Variants in SETBP1 observed in about 807,000 individuals in gnomAD.
SETBP1 encodes the protein SET binding protein 1.
In SETBP1, 9 loss-of-function variants were observed where a neutral mutation model predicts 101.0. The ratio of observed to expected loss-of-function variants is 0.09; its 90% CI spans 0.05 to 0.16. SETBP1 has a LOEUF of 0.16. Among genes scored for constraint, SETBP1 ranks in the 10% least tolerant of loss-of-function variants. The pLI is 1.00. For missense variants in SETBP1, 1,858 were observed against 2,033.8 expected (o/e 0.91, Z 1.66); for synonymous variants, 818 against 788.5 (o/e 1.04, Z -0.63).
chr18:44,860,712 A>C (rs2068986603), intron 2 of SETBP1, among the ~76,000 whole-genome samples: 1 of 151,236 alleles, frequency 6.6e-6, no homozygotes, highest in African/African-American at 2.4e-5. Context: ...GTGCCACTGC[A>C]CTCCAGCCTG....
intron 2 of SETBP1, among the ~76,000 whole-genome samples, chr18:44,761,421 C>T (rs1000101858): frequency 2.0e-5 from 3 of 152,226 alleles, no homozygotes; most frequent in African/African-American, 7.2e-5. Flanking sequence ...CTGGTCCCCT[C>T]TCCCACATTT....
chr18:44,890,882 C>A (rs961300145), intron 3 of SETBP1, among the ~76,000 whole-genome samples: 1 of 152,066 alleles, frequency 6.6e-6, no homozygotes, highest in Non-Finnish European at 1.5e-5. Context: ...TTGGAATTTA[C>A]ATGGATCTTC....
At chr18:44,720,846 A>T (rs564465796) in intron 2 of SETBP1, among the ~76,000 whole-genome samples, 1 of 152,204 alleles carries the variant, frequency 6.6e-6, no homozygotes, top group South Asian at 2.1e-4. Flanking sequence ...AGTAGGCCAG[A>T]TCAGACAGAT....
intron 2 of SETBP1, among the ~76,000 whole-genome samples, chr18:44,769,699 A>C (rs76343670): frequency 0.01 from 1,562 of 152,372 alleles, 26 homozygotes; most frequent in African/African-American, 0.035. Context: ...AAATACAAAC[A>C]AAAAAGGAAG....
At chr18:45,051,291 C>T (rs1383517802) in intron 5 of SETBP1, among the ~76,000 whole-genome samples, 1 of 151,370 alleles carries the variant, frequency 6.6e-6, no homozygotes, top group Non-Finnish European at 1.5e-5. Context: ...GAGTGTTTGC[C>T]GTCTTGAGTC....
In SETBP1 at chr18:44,769,731, T is replaced by C. The variant is rs577395044; in HGVS notation, c.486+67899T>C. 2.0e-5 allele frequency among the ~76,000 whole-genome samples: 3 copies of C among 152,374 alleles called. No homozygotes were observed. In the South Asian group the frequency reaches 6.2e-4, roughly 32 times the overall value. On this transcript the variant is annotated intron_variant, in intron 2 of 5. Transcript: ENST00000649279. ...GAAGTCACATGCACAACCACTATTA[T>C]GCTATATAGAAGTTCATGAAGTGCC... is the stretch of plus-strand genomic sequence containing the variant.
At chr18:44,699,850 C>G (rs1392190131) in intron 1 of SETBP1, among the ~76,000 whole-genome samples, 1 of 152,194 alleles carries the variant, frequency 6.6e-6, no homozygotes, top group South Asian at 2.1e-4. Flanking sequence ...ATTCTGGAGA[C>G]AGAAGACAAA....
intron 2 of SETBP1, among the ~76,000 whole-genome samples, chr18:44,709,007 A>G (rs1050759313): frequency 3.9e-5 from 6 of 152,194 alleles, no homozygotes; most frequent in African/African-American, 1.4e-4. Context: ...GTCAGAGTTG[A>G]GCTTAAAATG....
At chr18:44,973,718 T>G (rs1203318084) in intron 4 of SETBP1, among the ~76,000 whole-genome samples, 3 of 152,064 alleles carry the variant, frequency 2.0e-5, no homozygotes, top group African/African-American at 7.2e-5. Context: ...GGCAAACAGC[T>G]CTGAAAGAGG....
chr18:44,968,593 T>G (rs781492495), intron 4 of SETBP1, among the ~76,000 whole-genome samples: 22 of 152,208 alleles, frequency 1.4e-4, no homozygotes, highest in Non-Finnish European at 2.6e-4. Context: ...AATGGCATAG[T>G]GATCACTGTG....
chr18:44,761,234 A>G (rs1244223868), intron 2 of SETBP1, among the ~76,000 whole-genome samples: 1 of 152,204 alleles, frequency 6.6e-6, no homozygotes, highest in Non-Finnish European at 1.5e-5. Context: ...GGTAATTACC[A>G]TATACATTAC....
chr18:44,941,818 A>G (rs1310583368), intron 3 of SETBP1, among the ~76,000 whole-genome samples: 3 of 150,684 alleles, frequency 2.0e-5, no homozygotes, highest in African/African-American at 7.3e-5. Context: ...TCATTTTATT[A>G]TTTTAGTGTA....
chr18:44,685,319 G>A (rs538202736), intron 1 of SETBP1, among the ~76,000 whole-genome samples: 3 of 152,302 alleles, frequency 2.0e-5, no homozygotes, highest in Admixed American at 6.5e-5. Flanking sequence ...CATATGCATG[G>A]CATTTTGTTC....
intron 3 of SETBP1, among the ~76,000 whole-genome samples, chr18:44,919,078 C>T (rs369420644): frequency 1.3e-5 from 2 of 152,208 alleles, no homozygotes; most frequent in African/African-American, 4.8e-5. Context: ...ACCTTGAGCT[C>T]CACGAAAGCA....
rs1296546263 is a variant in SETBP1 at position 45,038,635 on chromosome 18, C to G, written c.4151C>G (p.Ser1384Cys). Residue 1384 changes from serine (S) to cysteine (C), a missense_variant, in exon 5 of 6, where the codon TCT (serine) becomes TGT (cysteine). Transcript: ENST00000649279. ...CCAGTGTTATCTCTCCTTGCTGCAT[C>G]TGCAGCAACGTCGGATGCAGGTGAG... ...PAPVLSLLAASAATSDAVGSS... is the reference protein window; with the variant it reads ...PAPVLSLLAACAATSDAVGSS... 2 of 1,614,134 alleles carry G rather than the reference C, an allele frequency of 1.2e-6. No individual in the cohort carries two copies. The highest frequency in any genetic ancestry group is 1.7e-5 in the Admixed American group (1 of 60,016).
intron 3 of SETBP1, among the ~76,000 whole-genome samples, chr18:44,913,388 G>A (rs1016873444): frequency 6.6e-6 from 1 of 152,154 alleles, no homozygotes; most frequent in Non-Finnish European, 1.5e-5. Flanking sequence ...CCGTCCTCCT[G>A]GCTACCTCTT....
intron 3 of SETBP1, among the ~76,000 whole-genome samples, chr18:44,903,576 T>C (rs2070103172): frequency 6.6e-6 from 1 of 152,204 alleles, no homozygotes; most frequent in Non-Finnish European, 1.5e-5. Flanking sequence ...GCACAGTCCT[T>C]GCCCTCAAAA....
intron 3 of SETBP1, among the ~76,000 whole-genome samples, chr18:44,875,527 C>CAAAAAAAAAAA (rs10645515): frequency 1.6e-5 from 1 of 61,616 alleles, no homozygotes; most frequent in African/African-American, 7.3e-5. Context: ...GACTCCATCT[C>CAAAAAAAAAAA]AAAAAAAAAA....
intron 5 of SETBP1, among the ~76,000 whole-genome samples, chr18:45,053,680 A>T (rs976316234): frequency 6.6e-6 from 1 of 152,190 alleles, no homozygotes; most frequent in Non-Finnish European, 1.5e-5. Context: ...GGTCAACAGG[A>T]CTTATTTTAT....
Sources: allele counts gnomAD v4.1 joint callset (sites outside exome capture counted in the v4.1 genomes callset), GRCh38; gene constraint gnomAD v4.1.1; transcripts MANE v1.5; gene names NCBI Gene and HGNC (gene_info 2026-07-23, HGNC 2026-07-21).